STAG2: variants seen among roughly 807,000 people sequenced by gnomAD.
The protein encoded by STAG2 is STAG2 cohesin complex component, also known as cohesin subunit SA-2.
Under a neutral mutation model 108.1 loss-of-function variants are expected in STAG2, and 14 were observed. The observed-to-expected ratio is 0.13, with a 90% CI of 0.09 to 0.20. The LOEUF is 0.20. Ranked by LOEUF, STAG2 falls within the 10% of genes least tolerant of loss-of-function variation. The probability of loss-of-function intolerance (pLI) is 1.00; values close to 1 mark genes in which losing one functional copy is unlikely to be tolerated. For missense variants in STAG2, 440 were observed against 940.9 expected (o/e 0.47, Z 6.96); for synonymous variants, 307 against 302.7 (o/e 1.01, Z -0.15).
chrX:124,090,964 T>C lies in STAG2; in HGVS notation c.3578T>C (p.Ile1193Thr). ...CTGCGAACTAATCTTCAGCATGCCA[T>C]GTAAGTGAGAGTGCCTTATTGTCTG... is the stretch of plus-strand genomic sequence containing the variant. ...VKLRTNLQHA[I>T]RRGTSLMEDD... Residue 1193 changes from isoleucine (I) to threonine (T), a missense_variant and splice_region_variant, in exon 32 of 35, where the codon ATT (isoleucine) becomes ACT (threonine). Transcript: ENST00000371145. 2 of 1,172,054 alleles carry C rather than the reference T, an allele frequency of 1.7e-6. No homozygotes were observed. Among genetic ancestry groups the C allele is most frequent in the Non-Finnish European group, 2.3e-6 (2 of 861,184 alleles).
Position 123,985,094 on chromosome X carries a change from C to T in STAG2, c.-163+23238C>T, listed in dbSNP as rs564304734. The stretch of plus-strand genomic sequence containing the variant: ...GGCTTGTCAGTATTACTGTAGAATA[C>T]AAGAAATTGGAGCCAAGGTTAAAAA... On this transcript the variant is annotated intron_variant, in intron 1 of 34. Coordinates refer to ENST00000371145, the MANE Select transcript of STAG2 (RefSeq NM_001042750.2). Among the ~76,000 whole-genome samples the T allele has an allele frequency of 7.2e-5, 8 of 111,641 alleles. No individual in the cohort carries two copies. The South Asian group carries it at 3.0e-3, about 41-fold the overall frequency.
intron 30 of STAG2, among the ~76,000 whole-genome samples, chrX:124,089,982 G>A (rs1224054318): frequency 9.2e-6 from 1 of 108,741 alleles, no homozygotes; most frequent in African/African-American, 3.4e-5. Context: ...CCAACGTGCT[G>A]AAACCCTGTC....
upstream of STAG2, chrX:123,960,755 G>A (rs2053813094): frequency 1.8e-5 from 2 of 109,916 alleles, no homozygotes; most frequent in Non-Finnish European, 3.8e-5. Flanking sequence ...AGAGGAAGGG[G>A]AAAAATATCT....
chrX:124,066,142 AATTT>A, intron 21 of STAG2, 29 bp from the exon 22 acceptor site: 1 of 772,657 alleles, frequency 1.3e-6, no homozygotes, highest in Non-Finnish European at 1.7e-6. Flanking sequence ...AATAAAACTT[AATTT>A]TTTTTTTTTT....
intron 1 of STAG2, among the ~76,000 whole-genome samples, chrX:124,006,558 C>T (rs913575319): frequency 9.2e-6 from 1 of 108,643 alleles, no homozygotes; most frequent in African/African-American, 3.4e-5. Flanking sequence ...CCTGCCTCAG[C>T]CTCCCGAGTA....
intron 1 of STAG2, among the ~76,000 whole-genome samples, chrX:123,995,546 T>C (rs1475866750): frequency 1.8e-5 from 2 of 110,318 alleles, no homozygotes; most frequent in Non-Finnish European, 3.8e-5. Context: ...TACAAAAAAT[T>C]AGCTGGGCAT....
intron 4 of STAG2, among the ~76,000 whole-genome samples, chrX:124,029,006 TA>T (rs1284381454): frequency 3.1e-4 from 31 of 98,581 alleles, no homozygotes; most frequent in African/African-American, 1.1e-3. Flanking sequence ...TATATATATA[TA>T]TATATATTTA....
intron 33 of STAG2, among the ~76,000 whole-genome samples, chrX:124,094,537 G>A (rs989233280): frequency 9.8e-5 from 11 of 111,890 alleles, no homozygotes; most frequent in East Asian, 2.8e-4. Context: ...GACAAATTCC[G>A]TATCAGATAA....
chrX:123,987,465 C>T (rs1195255410), intron 1 of STAG2, among the ~76,000 whole-genome samples: 2 of 110,056 alleles, frequency 1.8e-5, no homozygotes, highest in African/African-American at 6.6e-5. Flanking sequence ...CCAGGCTGGT[C>T]TCAAACTCCT....
intron 1 of STAG2, among the ~76,000 whole-genome samples, chrX:123,981,141 G>A (rs1309833280): frequency 2.7e-5 from 3 of 110,171 alleles, no homozygotes; most frequent in Non-Finnish European, 3.8e-5. Context: ...CTTAATTTTG[G>A]TAAAATATAT....
chrX:124,051,040 T>C (rs1332374308), intron 11 of STAG2, 81 bp from the exon 12 acceptor site: 2 of 555,157 alleles, frequency 3.6e-6, no homozygotes, highest in African/African-American at 2.4e-5. Context: ...GTAGAAAATA[T>C]TGTGTACATC....
chrX:123,990,967 C>T (rs1015344275), intron 1 of STAG2, among the ~76,000 whole-genome samples: 1 of 111,884 alleles, frequency 8.9e-6, no homozygotes, highest in Non-Finnish European at 1.9e-5. Context: ...GAAAACCATA[C>T]CTGAGGTTTC....
rs371265503 is a variant in STAG2, at chrX:124,077,517, A to G, written c.2674-440A>G. 7.7e-4 allele frequency among the ~76,000 whole-genome samples: 86 copies of G among 111,932 alleles called. 1 individual carries two copies. The South Asian group carries it at 0.029, about 37-fold the overall frequency. ...AGTTGTTTATAGGCTGTTAGATTCTATAAGCCAAATTAATAAAGTTTTAAA... is the reference window on the plus strand; with the variant it reads ...AGTTGTTTATAGGCTGTTAGATTCTGTAAGCCAAATTAATAAAGTTTTAAA... On this transcript the variant is annotated intron_variant, in intron 26 of 34. Transcript: ENST00000371145.
chrX:124,077,194 C>G (rs1274319643), intron 26 of STAG2, among the ~76,000 whole-genome samples: 1 of 109,961 alleles, frequency 9.1e-6, no homozygotes, highest in African/African-American at 3.3e-5. Context: ...TACTTGAACT[C>G]TAATATCATT....
At chrX:123,967,346 A>C (rs184084905) in intron 1 of STAG2, among the ~76,000 whole-genome samples, 1,332 of 97,115 alleles carry the variant, frequency 0.014, 30 homozygotes, top group African/African-American at 0.049. Flanking sequence ...GCTCACTGCA[A>C]CCTCCACCTA....
chrX:123,974,073 T>A (rs1276682808), intron 1 of STAG2, among the ~76,000 whole-genome samples: 1 of 110,672 alleles, frequency 9.0e-6, no homozygotes, highest in Non-Finnish European at 1.9e-5. Context: ...AGTGACATAC[T>A]GAAAAATTAG....
At chrX:123,971,889 GAAGGTA>G (rs1338496029) in intron 1 of STAG2, among the ~76,000 whole-genome samples, 1 of 112,211 alleles carries the variant, frequency 8.9e-6, no homozygotes, top group Non-Finnish European at 1.9e-5. Context: ...AGAGACTTTT[GAAGGTA>G]AACTGATTCT....
chrX:123,972,411 C>T (rs988990067), intron 1 of STAG2, among the ~76,000 whole-genome samples: 2 of 108,677 alleles, frequency 1.8e-5, no homozygotes, highest in Admixed American at 9.9e-5. Context: ...GCTGGGACTA[C>T]AGGCGCCTGC....
intron 1 of STAG2, among the ~76,000 whole-genome samples, chrX:124,016,692 C>T (rs1389459744): frequency 3.6e-5 from 4 of 111,153 alleles, no homozygotes; most frequent in Non-Finnish European, 7.5e-5. Context: ...CCTGTCTGGG[C>T]GCAGTGGCTC....
Sources: gnomAD v4.1 joint callset for allele counts (sites outside exome capture counted in the v4.1 genomes callset) on GRCh38, gnomAD v4.1.1 for gene constraint, MANE v1.5 for transcripts, NCBI Gene and HGNC (gene_info 2026-07-23, HGNC 2026-07-21) for gene names.